ADAMTS2: variants seen among roughly 807,000 people sequenced by gnomAD.
The protein encoded by ADAMTS2 is A disintegrin and metalloproteinase with thrombospondin motifs 2.
In ADAMTS2, 50 loss-of-function variants were observed where a neutral mutation model predicts 123.0. The ratio of observed to expected loss-of-function variants is 0.41; its 90% CI spans 0.32 to 0.51. The LOEUF (loss-of-function observed/expected upper bound fraction) is 0.51. Among genes scored for constraint, ADAMTS2 ranks in the 20% least tolerant of loss-of-function variants. The probability of loss-of-function intolerance (pLI) is 0.35; values close to 1 mark genes in which losing one functional copy is unlikely to be tolerated. For synonymous variants in ADAMTS2, 678 were observed against 695.4 expected, an observed-to-expected ratio of 0.98 and a Z score of 0.39; for missense variants, 1,494 against 1,705.2, an observed-to-expected ratio of 0.88 and a Z score of 2.18.
At chr5:179,223,392 TCA>T (rs36142929) in intron 3 of ADAMTS2, among the ~76,000 whole-genome samples, 7,419 of 146,682 alleles carry the variant, frequency 0.051, 261 homozygotes, top group Non-Finnish European at 0.078. Flanking sequence ...ACGAATGCAC[TCA>T]CACACACGCA....
rs199931724 is a variant in ADAMTS2, at chr5:179,189,743, AG to A, written c.892-8589del. Among the ~76,000 whole-genome samples the A allele has an allele frequency of 3.9e-3, 560 of 145,088 alleles. 6 individuals carry two copies. The highest frequency in any genetic ancestry group is 5.9e-3 in the Non-Finnish European group (396 of 66,862). ...ATATTACAAAATATCTTCTTAAGGT[AG>A]GGGGGGACAATATTACAAAGTATCT... On this transcript the variant is annotated intron_variant, in intron 4 of 21. Coordinates refer to ENST00000251582, the MANE Select transcript of ADAMTS2 (RefSeq NM_014244.5). The surrounding 1 kb of genome is among the most constrained non-coding windows in gnomAD (Gnocchi z 4.2).
chr5:179,162,300 C>T lies in ADAMTS2; in HGVS notation c.976-3421G>A, dbSNP rs1275600849. On this transcript the variant is annotated intron_variant, in intron 5 of 21. Coordinates refer to ENST00000251582, the MANE Select transcript of ADAMTS2 (RefSeq NM_014244.5). This position sits in a 1 kb window ranked among gnomAD's most constrained non-coding sequence, Gnocchi z 5.1. Reference sequence around the variant, plus strand: ...TCCCAGCACCACGCCTTCCTGGCCACCATGAAGGATCAGGGTGAACATACA... The same window carrying T: ...TCCCAGCACCACGCCTTCCTGGCCATCATGAAGGATCAGGGTGAACATACA... Among the ~76,000 whole-genome samples the T allele has an allele frequency of 6.6e-6, 1 of 151,462 alleles. No individual in the cohort carries two copies. Among genetic ancestry groups the T allele is most frequent in the Non-Finnish European group, 1.5e-5 (1 of 68,026 alleles).
chr5:179,114,918 A>G (rs1762632413), intron 21 of ADAMTS2, among the ~76,000 whole-genome samples: 2 of 152,148 alleles, frequency 1.3e-5, no homozygotes, highest in Admixed American at 1.3e-4. Flanking sequence ...AACAGCACCT[A>G]AAGGAAAGTT....
intron 10 of ADAMTS2, among the ~76,000 whole-genome samples, chr5:179,143,869 T>C (rs1468770873): frequency 6.6e-6 from 1 of 152,220 alleles, no homozygotes; most frequent in Admixed American, 6.5e-5. Flanking sequence ...TTAACAAATA[T>C]ATTTGAAAAT....
At chr5:179,153,264 G>T (rs1763398376) in intron 9 of ADAMTS2, among the ~76,000 whole-genome samples, 1 of 152,018 alleles carries the variant, frequency 6.6e-6, no homozygotes. Flanking sequence ...TCACAGTCCT[G>T]TCCCCCGTGT....
intron 17 of ADAMTS2, among the ~76,000 whole-genome samples, chr5:179,126,651 T>C (rs1762863629): frequency 1.3e-5 from 2 of 152,192 alleles, no homozygotes; most frequent in Admixed American, 6.5e-5. Flanking sequence ...GGATGCTGCT[T>C]GACACCCCAC....
intron 2 of ADAMTS2, among the ~76,000 whole-genome samples, chr5:179,338,598 C>A (rs1324527268): frequency 6.6e-6 from 1 of 152,192 alleles, no homozygotes; most frequent in Non-Finnish European, 1.5e-5. Context: ...AGTCTCATTC[C>A]AGACCAGCAG....
At chr5:179,306,444 G>C (rs1469615437) in intron 2 of ADAMTS2, among the ~76,000 whole-genome samples, 2 of 152,200 alleles carry the variant, frequency 1.3e-5, no homozygotes, top group Non-Finnish European at 2.9e-5. Flanking sequence ...TCAACTAACA[G>C]AGAAAGAAAC....
intron 3 of ADAMTS2, among the ~76,000 whole-genome samples, chr5:179,223,159 A>G (rs999588697): frequency 2.0e-5 from 3 of 152,230 alleles, no homozygotes; most frequent in Admixed American, 2.0e-4. Context: ...CACCACCTCT[A>G]GGAGAGCGCT....
intron 4 of ADAMTS2, among the ~76,000 whole-genome samples, chr5:179,198,604 C>T (rs560390907): frequency 7.4e-4 from 113 of 152,208 alleles, no homozygotes; most frequent in African/African-American, 2.4e-3. Flanking sequence ...GAGGCTGAGG[C>T]GGGTGGATCA....
rs1039879445 is a variant in ADAMTS2 at position 179,242,907 on chromosome 5, G to A, written c.688+30004C>T. On this transcript the variant is annotated intron_variant, in intron 3 of 21. Transcript: ENST00000251582. The surrounding 1 kb of genome is among the most constrained non-coding windows in gnomAD (Gnocchi z 4.2). ...CTTCCTCCACCCAGCCCTAACTCAG[G>A]GCAGGAGCTCCGTCTCAGGTGCAGC... Among the ~76,000 whole-genome samples, 1 of 152,132 alleles carries A rather than the reference G, an allele frequency of 6.6e-6. No individual in the cohort carries two copies. Among genetic ancestry groups the A allele is most frequent in the African/African-American group, 2.4e-5 (1 of 41,434 alleles).
At chr5:179,344,379 C>A (rs1757877275) in intron 1 of ADAMTS2, among the ~76,000 whole-genome samples, 1 of 152,222 alleles carries the variant, frequency 6.6e-6, no homozygotes, top group African/African-American at 2.4e-5. Flanking sequence ...CACTCCCCAG[C>A]CGTTCCCTCC....
chr5:179,291,962 T>C (rs1756201171), intron 2 of ADAMTS2, among the ~76,000 whole-genome samples: 1 of 151,904 alleles, frequency 6.6e-6, no homozygotes. Context: ...AGGGCTGATG[T>C]TGAACTCCTG....
intron 3 of ADAMTS2, among the ~76,000 whole-genome samples, chr5:179,233,002 G>A (rs918404702): frequency 3.9e-5 from 6 of 152,154 alleles, no homozygotes; most frequent in Non-Finnish European, 5.9e-5. Flanking sequence ...CATCTGTGTC[G>A]GGAGGCGGGA....
intron 3 of ADAMTS2, among the ~76,000 whole-genome samples, chr5:179,212,920 GC>G (rs1228799594): frequency 2.0e-5 from 3 of 152,102 alleles, no homozygotes; most frequent in Non-Finnish European, 4.4e-5. Flanking sequence ...CACCTGCGAT[GC>G]CCTTTTTGCT....
chr5:179,246,155 T>C (rs1316969656), intron 3 of ADAMTS2, among the ~76,000 whole-genome samples: 1 of 152,196 alleles, frequency 6.6e-6, no homozygotes, highest in Non-Finnish European at 1.5e-5. Flanking sequence ...GCAGTGGCCA[T>C]GAAGATGGCA....
chr5:179,135,457 C>A (rs562208129), intron 13 of ADAMTS2, among the ~76,000 whole-genome samples: 1 of 152,186 alleles, frequency 6.6e-6, no homozygotes, highest in African/African-American at 2.4e-5. Flanking sequence ...TAAAAGAAAA[C>A]AGAGGAGGGC....
At chr5:179,274,679 T>C (rs1766646960) in intron 2 of ADAMTS2, among the ~76,000 whole-genome samples, 1 of 152,170 alleles carries the variant, frequency 6.6e-6, no homozygotes, top group South Asian at 2.1e-4. Flanking sequence ...GCTGGGAGCC[T>C]CTGCAGACCG....
intron 2 of ADAMTS2, among the ~76,000 whole-genome samples, chr5:179,282,383 T>G (rs1766939478): frequency 6.6e-6 from 1 of 152,206 alleles, no homozygotes; most frequent in Non-Finnish European, 1.5e-5. Flanking sequence ...CCAACACCAT[T>G]TGTTGAAAAG....
Sources: allele counts gnomAD v4.1 joint callset (sites outside exome capture counted in the v4.1 genomes callset), GRCh38; gene constraint gnomAD v4.1.1; non-coding constraint Gnocchi (gnomAD v3.1); transcripts MANE v1.5; gene names NCBI Gene and HGNC (gene_info 2026-07-23, HGNC 2026-07-21).